Variants in TMEM132D observed in about 807,000 individuals in gnomAD.
TMEM132D encodes the protein transmembrane protein 132D, also known as mature OL transmembrane protein.
TMEM132D carries 21 observed loss-of-function variants against 62.3 expected under a neutral mutation model. That is an observed-to-expected ratio of 0.34 (90% confidence interval 0.24 to 0.49). The LOEUF (loss-of-function observed/expected upper bound fraction) is 0.49. Ranked by LOEUF, TMEM132D falls within the 20% of genes least tolerant of loss-of-function variation. TMEM132D has a pLI of 0.99. For missense variants in TMEM132D, 1,346 were observed against 1,402.8 expected (o/e 0.96, Z 0.65); for synonymous variants, 621 against 575.6 (o/e 1.08, Z -1.13).
chr12:129,103,947 T>G (rs1303644477), intron 5 of TMEM132D, among the ~76,000 whole-genome samples: 40 of 152,252 alleles, frequency 2.6e-4, no homozygotes, highest in African/African-American at 8.2e-4. Flanking sequence ...AATCAATATC[T>G]TGAAAATGGC....
chr12:129,420,320 T>TTTG (rs2135710620), intron 3 of TMEM132D, among the ~76,000 whole-genome samples: 1 of 147,266 alleles, frequency 6.8e-6, no homozygotes, highest in Admixed American at 6.8e-5. Flanking sequence ...TTTTTTTTTT[T>TTTG]TTTTTTTTTT....
chr12:129,829,285 C>G (rs938752535), intron 1 of TMEM132D, among the ~76,000 whole-genome samples: 1 of 152,084 alleles, frequency 6.6e-6, no homozygotes, highest in Non-Finnish European at 1.5e-5. Flanking sequence ...TTCTGAAATA[C>G]GACGGCCACA....
intron 5 of TMEM132D, among the ~76,000 whole-genome samples, chr12:129,106,599 T>C (rs12580388): frequency 0.36 from 55,269 of 151,936 alleles, 10,416 homozygotes; most frequent in Non-Finnish European, 0.41. Flanking sequence ...GAAAGACGTT[T>C]GTGGGCTTGG....
chr12:129,087,214 G>A (rs1004400699), intron 5 of TMEM132D, among the ~76,000 whole-genome samples: 1 of 152,064 alleles, frequency 6.6e-6, no homozygotes, highest in Non-Finnish European at 1.5e-5. Flanking sequence ...TATAAGCAAC[G>A]TCATGTAGGA....
At chr12:129,457,487 T>C (rs1873512389) in intron 3 of TMEM132D, among the ~76,000 whole-genome samples, 1 of 150,470 alleles carries the variant, frequency 6.6e-6, no homozygotes, top group Non-Finnish European at 1.5e-5. Flanking sequence ...ATATACCTAA[T>C]GCTAAATGAC....
chr12:129,502,264 G>T (rs1875172355), intron 3 of TMEM132D, among the ~76,000 whole-genome samples: 1 of 152,166 alleles, frequency 6.6e-6, no homozygotes, highest in Admixed American at 6.5e-5. Flanking sequence ...CTCCCAAAGT[G>T]CTGGGATTAC....
chr12:129,847,858 T>C (rs12301443), intron 1 of TMEM132D, among the ~76,000 whole-genome samples: 46,084 of 151,758 alleles, frequency 0.3, 7,255 homozygotes, highest in East Asian at 0.59. Context: ...ACCCCAAGGT[T>C]GCCACGGGAG....
chr12:129,752,651 A>T lies in TMEM132D; in HGVS notation c.80-51953T>A, dbSNP rs903804343. On this transcript the variant is annotated intron_variant, in intron 1 of 8. Transcript: ENST00000422113. ...CCAAAGCTATGCCATTTAGGGAGGA[A>T]GTTTCACCTATGCTATGGACAATGG... Among the ~76,000 whole-genome samples, 4 of 152,220 alleles carry T rather than the reference A, an allele frequency of 2.6e-5. No homozygotes were observed. In the East Asian group the frequency reaches 7.7e-4, roughly 29 times the overall value.
chr12:129,865,492 T>C (rs1566012991), intron 1 of TMEM132D, among the ~76,000 whole-genome samples: 1 of 152,158 alleles, frequency 6.6e-6, no homozygotes, highest in African/African-American at 2.4e-5. Flanking sequence ...CCTGCAATCA[T>C]ACAACTTCTG....
At chr12:129,788,931 TGA>T (rs1416561342) in intron 1 of TMEM132D, among the ~76,000 whole-genome samples, 2 of 151,986 alleles carry the variant, frequency 1.3e-5, no homozygotes, top group Non-Finnish European at 2.9e-5. Context: ...AGGGATGCCG[TGA>T]GTGATGGGGA....
Position 129,285,539 on chromosome 12 carries a change from A to AAAAAAAAAAAAAAAGAG in TMEM132D, c.1299+52094_1299+52095insCTCTTTTTTTTTTTTTT, listed in dbSNP as rs56018646. On this transcript the variant is annotated intron_variant, in intron 4 of 8. Transcript: ENST00000422113. ...GAGACTGTGTCTCAAAAAAAAAAAA[A>AAAAAAAAAAAAAAAGAG]AGAGAGAGAGAGAGAGGCTCCCATT... Among the ~76,000 whole-genome samples the AAAAAAAAAAAAAAAGAG allele has an allele frequency of 5.4e-3, 487 of 89,926 alleles. 42 individuals carry two copies. The highest frequency in any genetic ancestry group is 0.015 in the African/African-American group (376 of 25,596). The allele number at this position is 89,926 out of a possible 152,430, so 59.0% of individuals were successfully genotyped here. A position where few individuals can be genotyped will look rare whatever the true frequency, so the allele number is the denominator to read the frequency against.
chr12:129,532,998 A>C (rs1876272501), intron 2 of TMEM132D, among the ~76,000 whole-genome samples: 1 of 152,124 alleles, frequency 6.6e-6, no homozygotes, highest in African/African-American at 2.4e-5. Flanking sequence ...CCACATGCTG[A>C]GTCCTGTGAG....
At chr12:129,130,011 T>A (rs900000147) in intron 5 of TMEM132D, among the ~76,000 whole-genome samples, 1 of 90,208 alleles carries the variant, frequency 1.1e-5, no homozygotes, top group Non-Finnish European at 2.4e-5. Flanking sequence ...ATCAAAGCTC[T>A]GCTCTGTGTG....
intron 5 of TMEM132D, among the ~76,000 whole-genome samples, chr12:129,109,456 C>T (rs962005682): frequency 6.6e-6 from 1 of 152,164 alleles, no homozygotes. Context: ...ATGTAGCAAA[C>T]ATCCAATTCA....
chr12:129,492,738 T>G (rs1874837004), intron 3 of TMEM132D, among the ~76,000 whole-genome samples: 1 of 152,150 alleles, frequency 6.6e-6, no homozygotes, highest in Non-Finnish European at 1.5e-5. Flanking sequence ...TGGGGAGTTT[T>G]CTGTTTTCCA....
intron 2 of TMEM132D, among the ~76,000 whole-genome samples, chr12:129,559,784 C>A (rs1877164090): frequency 6.6e-6 from 1 of 152,168 alleles, no homozygotes. Context: ...CCTTAATATA[C>A]TTCAATTTCT....
At chr12:129,782,994 G>C (rs1871250254) in intron 1 of TMEM132D, among the ~76,000 whole-genome samples, 1 of 152,172 alleles carries the variant, frequency 6.6e-6, no homozygotes, top group Non-Finnish European at 1.5e-5. Flanking sequence ...CTTCTTGTTT[G>C]TGTCTGTTAT....
intron 2 of TMEM132D, among the ~76,000 whole-genome samples, chr12:129,636,737 T>TGTGTGTGTGTGTGTGA (rs375868329): frequency 1.2e-3 from 134 of 113,606 alleles, no homozygotes; most frequent in Non-Finnish European, 1.5e-3. Context: ...TGTGTGTGTG[T>TGTGTGTGTGTGTGTGA]GAGAGAGAGA....
intron 1 of TMEM132D, among the ~76,000 whole-genome samples, chr12:129,902,901 C>T (rs947172917): frequency 3.3e-5 from 5 of 152,252 alleles, no homozygotes; most frequent in Admixed American, 1.3e-4. Context: ...CCCCTCCTCC[C>T]CCGACAGCCG....
Sources: gnomAD v4.1 joint callset for allele counts (sites outside exome capture counted in the v4.1 genomes callset) on GRCh38, gnomAD v4.1.1 for gene constraint, MANE v1.5 for transcripts, NCBI Gene and HGNC (gene_info 2026-07-23, HGNC 2026-07-21) for gene names.